Variants in KAZN observed in about 807,000 individuals in gnomAD.
The protein encoded by KAZN is kazrin.
KAZN carries 40 observed loss-of-function variants against 87.4 expected under a neutral mutation model. The ratio of observed to expected loss-of-function variants is 0.46; its 90% CI spans 0.36 to 0.60. KAZN has a LOEUF of 0.60. KAZN is among the 20% of genes least tolerant of loss of function. The pLI, the probability that KAZN is intolerant of heterozygous loss-of-function variation, is 0.00. For synonymous variants in KAZN, 466 were observed against 458.3 expected (o/e 1.02, Z -0.22); for missense variants, 898 against 1,073.9 (o/e 0.84, Z 2.29).
intron 2 of KAZN, among the ~76,000 whole-genome samples, chr1:14,379,424 C>T (rs549267387): frequency 6.6e-6 from 1 of 152,094 alleles, no homozygotes; most frequent in Non-Finnish European, 1.5e-5. Flanking sequence ...AGAAGTAAAG[C>T]ACCAAGCAGG....
intron 1 of KAZN, among the ~76,000 whole-genome samples, chr1:14,858,209 C>CTTTTTT (rs762613728): frequency 0.059 from 6,763 of 114,106 alleles, 971 homozygotes; most frequent in African/African-American, 0.095. Context: ...TTTTCTTTTT[C>CTTTTTT]TTTTCTTTTT....
chr1:14,723,681 T>C (rs6671728), intron 1 of KAZN, among the ~76,000 whole-genome samples: 8,196 of 152,246 alleles, frequency 0.054, 666 homozygotes, highest in African/African-American at 0.17. Context: ...ACCCGAGTGC[T>C]CCTGTGGGTA....
intron 2 of KAZN, among the ~76,000 whole-genome samples, chr1:14,348,712 T>C (rs1310523799): frequency 1.3e-5 from 2 of 152,246 alleles, no homozygotes; most frequent in Non-Finnish European, 2.9e-5. Flanking sequence ...ATGGTGTGTG[T>C]ACAAAGATTT....
intron 2 of KAZN, among the ~76,000 whole-genome samples, chr1:14,209,850 A>G (rs1257321611): frequency 2.0e-5 from 3 of 152,258 alleles, no homozygotes; most frequent in Non-Finnish European, 2.9e-5. Flanking sequence ...ATCAGCATAC[A>G]GCCAGGCCTG....
chr1:13,897,651 G>A (rs565825779), intron 1 of KAZN, among the ~76,000 whole-genome samples: 1 of 152,264 alleles, frequency 6.6e-6, no homozygotes, highest in Admixed American at 6.5e-5. Flanking sequence ...GCATTCCCTA[G>A]TTAACCAGTG....
chr1:14,945,668 G>C (rs1361461752), intron 1 of KAZN, among the ~76,000 whole-genome samples: 3 of 152,234 alleles, frequency 2.0e-5, no homozygotes, highest in South Asian at 4.1e-4. Flanking sequence ...GTTTTCATAA[G>C]TGAAACATTT....
At chr1:14,607,245 C>A (rs914366229) in intron 1 of KAZN, among the ~76,000 whole-genome samples, 1 of 152,120 alleles carries the variant, frequency 6.6e-6, no homozygotes, top group Non-Finnish European at 1.5e-5. Flanking sequence ...CCTATAATAC[C>A]TCAACGAATC....
chr1:14,784,918 T>G (rs1645462487), intron 1 of KAZN, among the ~76,000 whole-genome samples: 1 of 151,652 alleles, frequency 6.6e-6, no homozygotes, highest in Non-Finnish European at 1.5e-5. Context: ...CGGAAATACA[T>G]AGTTCCAGAA....
At chr1:14,352,240 C>T (rs1047033904) in intron 2 of KAZN, among the ~76,000 whole-genome samples, 2 of 152,078 alleles carry the variant, frequency 1.3e-5, no homozygotes, top group East Asian at 1.9e-4. Flanking sequence ...GACACAGAAT[C>T]GGATCAGCAG....
intron 2 of KAZN, among the ~76,000 whole-genome samples, chr1:14,323,551 T>C (rs572716581): frequency 6.6e-6 from 1 of 152,248 alleles, no homozygotes; most frequent in South Asian, 2.1e-4. Context: ...GCCCATTCTT[T>C]GTGCCAAGAC....
intron 1 of KAZN, among the ~76,000 whole-genome samples, chr1:14,140,924 G>A (rs1016910236): frequency 7.9e-5 from 12 of 152,072 alleles, no homozygotes; most frequent in Non-Finnish European, 1.3e-4. Flanking sequence ...CTCACAGACC[G>A]ATGCCTTCTG....
intron 13 of KAZN, among the ~76,000 whole-genome samples, chr1:15,109,535 T>G (rs1118189): frequency 6.6e-6 from 1 of 152,008 alleles, no homozygotes; most frequent in Non-Finnish European, 1.5e-5. Context: ...TAAGATGTAA[T>G]TGTAGCAATT....
chr1:14,130,590 T>C (rs4364876), intron 1 of KAZN, among the ~76,000 whole-genome samples: 101,351 of 151,940 alleles, frequency 0.67, 35,118 homozygotes, highest in African/African-American at 0.84. Context: ...ATCTGAACCT[T>C]CTGCCATCAA....
intron 2 of KAZN, among the ~76,000 whole-genome samples, chr1:14,581,593 C>T (rs1295589081): frequency 6.6e-6 from 1 of 152,188 alleles, no homozygotes; most frequent in Non-Finnish European, 1.5e-5. Context: ...TGTCCCCCAT[C>T]TCACTCAGAA....
At chr1:14,438,514 T>A (rs987680388) in intron 2 of KAZN, among the ~76,000 whole-genome samples, 1 of 152,160 alleles carries the variant, frequency 6.6e-6, no homozygotes, top group Non-Finnish European at 1.5e-5. Context: ...AAGAACATTC[T>A]AGACATCAAG....
At chr1:14,335,836 C>T (rs1215885749) in intron 2 of KAZN, among the ~76,000 whole-genome samples, 3 of 151,942 alleles carry the variant, frequency 2.0e-5, no homozygotes, top group Non-Finnish European at 4.4e-5. Context: ...AACAGATGGA[C>T]AGGGAAGCTC....
chr1:14,208,099 AAG>A (rs1646781436), intron 2 of KAZN, among the ~76,000 whole-genome samples: 1 of 152,198 alleles, frequency 6.6e-6, no homozygotes, highest in African/African-American at 2.4e-5. Flanking sequence ...ATCACGGACT[AAG>A]AGTGTCCATG....
At chr1:14,013,199 G>A (rs912578230) in intron 1 of KAZN, among the ~76,000 whole-genome samples, 1 of 152,140 alleles carries the variant, frequency 6.6e-6, no homozygotes, top group Non-Finnish European at 1.5e-5. Context: ...ACCCCTCTAT[G>A]AATTTTCTCT....
intron 2 of KAZN, among the ~76,000 whole-genome samples, chr1:14,401,814 T>C (rs1370033426): frequency 6.6e-6 from 1 of 152,064 alleles, no homozygotes; most frequent in Admixed American, 6.6e-5. Context: ...CACTTATTTA[T>C]AATTTAAAAA....
Sources: gnomAD v4.1 joint callset for allele counts (sites outside exome capture counted in the v4.1 genomes callset) on GRCh38, gnomAD v4.1.1 for gene constraint, MANE v1.5 for transcripts, NCBI Gene and HGNC (gene_info 2026-07-23, HGNC 2026-07-21) for gene names.